The following NNT variants were observed in gnomAD, a reference collection of about 807,000 sequenced individuals.
NNT encodes NAD(P) transhydrogenase, mitochondrial.
NNT carries 50 observed loss-of-function variants against 104.8 expected under a neutral mutation model. The ratio of observed to expected loss-of-function variants is 0.48; its 90% CI spans 0.38 to 0.60. The LOEUF is 0.60. NNT is among the 20% of genes least tolerant of loss of function. NNT has a pLI of 0.00. For synonymous variants in NNT, 461 were observed against 490.4 expected (o/e 0.94, Z 0.79); for missense variants, 1,131 against 1,330.7 (o/e 0.85, Z 2.33).
At chr5:43,689,954 C>T (rs867927907) in intron 19 of NNT, among the ~76,000 whole-genome samples, 4 of 151,622 alleles carry the variant, frequency 2.6e-5, no homozygotes, top group African/African-American at 4.8e-5. Flanking sequence ...TAACCCAATC[C>T]GTCAAAGACA....
intron 11 of NNT, among the ~76,000 whole-genome samples, chr5:43,649,901 C>T (rs144301313): frequency 1.3e-5 from 2 of 152,318 alleles, no homozygotes; most frequent in East Asian, 3.9e-4. Flanking sequence ...ATGAGTCCTA[C>T]ATTGGACAAG....
At chr5:43,658,918 C>G (rs763153257) in intron 16 of NNT, among the ~76,000 whole-genome samples, 5 of 152,010 alleles carry the variant, frequency 3.3e-5, no homozygotes, top group Non-Finnish European at 7.3e-5. Context: ...CCAGTTTCTG[C>G]CTGCTTTTCA....
chr5:43,656,705 A>G lies in NNT; in HGVS notation c.2346A>G (p.Ala782=), dbSNP rs763401792. 1.2e-6 allele frequency: 2 copies of G among 1,614,166 alleles called. No homozygotes were observed. Among genetic ancestry groups the G allele is most frequent in the South Asian group, 1.1e-5 (1 of 91,084 alleles). The part of the protein sequence containing the change: ...LLLPGRHLLN[A]GLLAASVGGI... The stretch of plus-strand genomic sequence containing the variant: ...TGCCTGGAAGGCACTTACTCAATGC[A>G]GGCTTACTGGCTGCTAGTGTGGGCG... The change falls in exon 16 of 22, where the codon GCA becomes GCG. Residue 782 remains alanine (A), a synonymous_variant. Transcript: ENST00000344920.
At chr5:43,612,801 T>C in intron 2 of NNT, 107 bp from the exon 3 acceptor site, 9 of 727,872 alleles carry the variant, frequency 1.2e-5, no homozygotes, top group Non-Finnish European at 2.1e-5. Context: ...GTGTGGTATA[T>C]TTTGAAGAAA....
chr5:43,698,810 A>C (rs1012267984), intron 19 of NNT, among the ~76,000 whole-genome samples: 14 of 151,588 alleles, frequency 9.2e-5, no homozygotes, highest in African/African-American at 3.4e-4. Context: ...ATATGAATAT[A>C]TATGCATACA....
chr5:43,683,740 A>T (rs912109677), intron 19 of NNT, among the ~76,000 whole-genome samples: 1 of 152,234 alleles, frequency 6.6e-6, no homozygotes, highest in Admixed American at 6.5e-5. Flanking sequence ...GAAATTATGT[A>T]TAATTTTAAC....
intron 17 of NNT, among the ~76,000 whole-genome samples, chr5:43,666,158 A>C (rs1275170035): frequency 6.6e-6 from 1 of 151,182 alleles, no homozygotes; most frequent in Non-Finnish European, 1.5e-5. Flanking sequence ...ATGGGCGGCC[A>C]GGCAGAGACA....
intron 7 of NNT, among the ~76,000 whole-genome samples, chr5:43,638,668 T>G (rs1050052875): frequency 6.6e-5 from 10 of 151,454 alleles, no homozygotes; most frequent in Non-Finnish European, 1.5e-4. Context: ...AGTTTTGTTT[T>G]TTTTTTTTTT....
intron 5 of NNT, among the ~76,000 whole-genome samples, chr5:43,620,092 ATT>A (rs1344857930): frequency 6.6e-6 from 1 of 152,138 alleles, no homozygotes. Flanking sequence ...ATATTGCCAC[ATT>A]TGGGATCAAA....
chr5:43,643,801 CG>C (rs1561284346), intron 7 of NNT, among the ~76,000 whole-genome samples: 2 of 152,152 alleles, frequency 1.3e-5, no homozygotes, highest in Non-Finnish European at 2.9e-5. Context: ...GTGACCTTTA[CG>C]AATTGTTCAA....
At position 43,702,727 on chromosome 5, in the gene NNT, A is replaced by T. The variant is rs1027161054; in HGVS notation, c.3102A>T (p.Lys1034Asn). The T allele has an allele frequency of 1.2e-6, 2 of 1,608,078 alleles. No homozygotes were observed. Among genetic ancestry groups the T allele is most frequent in the African/African-American group, 1.3e-5 (1 of 74,688 alleles). Residue 1034 changes from lysine to asparagine, a missense_variant, in exon 21 of 22, where the codon AAA becomes AAT. Physicochemically the swap from Lys to Asn is moderately conservative, Grantham distance 94. Transcript: ENST00000344920. ...IAGMPVLEVWKSKQVIVMKRS... is the reference protein window; with the variant it reads ...IAGMPVLEVWNSKQVIVMKRS... The stretch of plus-strand genomic sequence containing the variant: ...GCATGCCAGTCCTTGAGGTCTGGAA[A>T]TCAAAGCAGGTAAAGTTTCAGACTT...
intron 19 of NNT, among the ~76,000 whole-genome samples, chr5:43,691,397 C>T (rs955216418): frequency 1.3e-5 from 2 of 152,182 alleles, no homozygotes; most frequent in Admixed American, 1.3e-4. Context: ...AGCCACCATG[C>T]CCGGCCAGAG....
intron 20 of NNT, among the ~76,000 whole-genome samples, chr5:43,700,691 T>C (rs1185385213): frequency 3.3e-5 from 5 of 152,250 alleles, no homozygotes; most frequent in Non-Finnish European, 7.3e-5. Context: ...TAATTTTCTC[T>C]TTCTTTTCTT....
chr5:43,639,972 T>C (rs1751137334), intron 7 of NNT, among the ~76,000 whole-genome samples: 1 of 152,082 alleles, frequency 6.6e-6, no homozygotes, highest in Non-Finnish European at 1.5e-5. Context: ...TTTTTGTGTA[T>C]CTCATCTTTT....
At position 43,659,263 on chromosome 5, in the gene NNT, G is replaced by A. The variant is rs759237046; in HGVS notation, c.2547G>A (p.Glu849=). ...ACTCAGGCTGGGCCCTGTGTGCAGA[G>A]GGCTTCCTGCTCAACAACAATCTGC... ...NSYSGWALCA[E]GFLLNNNLLT... is the part of the protein sequence containing the mutation. Residue 849 remains glutamate, a synonymous_variant, in exon 17 of 22, where the codon GAG becomes GAA. Coordinates refer to ENST00000344920, the MANE Select transcript of NNT (RefSeq NM_182977.3). 21 of 1,613,908 alleles carry A rather than the reference G, an allele frequency of 1.3e-5. No homozygotes were observed. Among genetic ancestry groups the A allele is most frequent in the Non-Finnish European group, 1.8e-5 (21 of 1,180,010 alleles).
intron 17 of NNT, among the ~76,000 whole-genome samples, chr5:43,672,543 A>G (rs893794887): frequency 3.3e-5 from 5 of 152,212 alleles, no homozygotes; most frequent in Non-Finnish European, 7.3e-5. Flanking sequence ...AGTTTGCTGG[A>G]GGTCCACTCC....
At chr5:43,685,502 C>T (rs978541523) in intron 19 of NNT, among the ~76,000 whole-genome samples, 3 of 151,968 alleles carry the variant, frequency 2.0e-5, no homozygotes, top group African/African-American at 4.8e-5. Flanking sequence ...TTAAAAAAAT[C>T]TGTTGATCCT....
chr5:43,659,866 ATCT>A (rs548294254), intron 17 of NNT, among the ~76,000 whole-genome samples: 68 of 152,330 alleles, frequency 4.5e-4, no homozygotes, highest in Non-Finnish European at 8.5e-4. Flanking sequence ...AAAGATGAAA[ATCT>A]TCTAGTGCCT....
chr5:43,608,594 CTCAG>C (rs1749344611), intron 1 of NNT, among the ~76,000 whole-genome samples: 1 of 152,174 alleles, frequency 6.6e-6, no homozygotes, highest in Non-Finnish European at 1.5e-5. Flanking sequence ...CTTTTGTTCA[CTCAG>C]TCAGCCTCAG....
Sources: gnomAD v4.1 joint callset for allele counts (sites outside exome capture counted in the v4.1 genomes callset) on GRCh38, gnomAD v4.1.1 for gene constraint, MANE v1.5 for transcripts, NCBI Gene and HGNC (gene_info 2026-07-23, HGNC 2026-07-21) for gene names.